Variants in CHL1 observed in about 807,000 individuals in gnomAD.
The protein encoded by CHL1 is neural cell adhesion molecule L1-like protein.
In CHL1, 96 loss-of-function variants were observed where a neutral mutation model predicts 141.9. The ratio of observed to expected loss-of-function variants is 0.68; its 90% CI spans 0.57 to 0.80. The LOEUF (loss-of-function observed/expected upper bound fraction) is 0.80. CHL1 is among the 30% of genes least tolerant of loss of function. The probability of loss-of-function intolerance (pLI) is 0.00; values close to 1 mark genes in which losing one functional copy is unlikely to be tolerated. For missense variants in CHL1, 1,820 were observed against 1,457.2 expected, an observed-to-expected ratio of 1.25 and a Z score of -4.05; for synonymous variants, 613 against 502.2, an observed-to-expected ratio of 1.22 and a Z score of -2.95.
chr3:282,998 T>A (rs1696801842), intron 2 of CHL1, among the ~76,000 whole-genome samples: 1 of 152,204 alleles, frequency 6.6e-6, no homozygotes, highest in South Asian at 2.1e-4. Flanking sequence ...ATCTGGTGGT[T>A]TTCTAACAGC....
chr3:354,653 G>A lies in CHL1; in HGVS notation c.1047G>A (p.Trp349Ter). 1 of 1,612,536 alleles carries A rather than the reference G, an allele frequency of 6.2e-7. No individual in the cohort carries two copies. The highest frequency in any genetic ancestry group is 2.2e-5 in the East Asian group (1 of 44,860). Reference protein sequence around the residue: ...FHVIVEEPPRWTKKPQSAVYS... With the variant: ...FHVIVEEPPR ...CTTTACATCCAGAGCCTCCTCGCTG[G>A]ACAAAGAAGCCTCAGAGTGCTGTGT... Residue 349 changes from tryptophan to a stop codon, truncating the protein, a stop_gained, in exon 11 of 28, where the codon TGG becomes TGA. Coordinates refer to ENST00000256509, the MANE Select transcript of CHL1 (RefSeq NM_006614.4). LOFTEE classifies it high-confidence loss of function.
At chr3:348,621 G>A (rs932577361) in intron 9 of CHL1, among the ~76,000 whole-genome samples, 1 of 152,174 alleles carries the variant, frequency 6.6e-6, no homozygotes, top group African/African-American at 2.4e-5. Context: ...TTATCATGCT[G>A]GTGTGTAACA....
chr3:235,842 A>G (rs1198803128), intron 1 of CHL1, among the ~76,000 whole-genome samples: 2 of 152,174 alleles, frequency 1.3e-5, no homozygotes, highest in South Asian at 2.1e-4. Context: ...TCGGTATACT[A>G]TCTTTGACAG....
chr3:286,630 TAAAC>T (rs1408009412), intron 2 of CHL1, among the ~76,000 whole-genome samples: 5 of 135,504 alleles, frequency 3.7e-5, no homozygotes, highest in Non-Finnish European at 6.4e-5. Context: ...AAAAAAAAAT[TAAAC>T]AAAGAAAGTA....
rs533230705 is a variant in CHL1, at chr3:289,009, C to T, written c.-94-30674C>T. Among the ~76,000 whole-genome samples, 508 of 152,166 alleles carry T rather than the reference C, an allele frequency of 3.3e-3. 3 individuals are homozygous for T. The highest frequency in any genetic ancestry group is 4.5e-3 in the Non-Finnish European group (308 of 68,004). On this transcript the variant is annotated intron_variant, in intron 2 of 27. Coordinates refer to ENST00000256509, the MANE Select transcript of CHL1 (RefSeq NM_006614.4). ...TTTCAGATACTTTTAATCAACATTT[C>T]TTCCTTTGGAAAACAGGTCAAATGA... is the stretch of plus-strand genomic sequence containing the variant.
intron 1 of CHL1, among the ~76,000 whole-genome samples, chr3:218,178 G>C (rs371688994): frequency 6.6e-6 from 1 of 152,170 alleles, no homozygotes; most frequent in Admixed American, 6.5e-5. Context: ...ATTTCCAAAA[G>C]ACCTCAGGGC....
intron 8 of CHL1, among the ~76,000 whole-genome samples, chr3:343,734 T>C (rs1702536244): frequency 6.6e-6 from 1 of 152,198 alleles, no homozygotes; most frequent in African/African-American, 2.4e-5. Flanking sequence ...GAGGAGGATG[T>C]AAGCTCCTTT....
At chr3:235,951 G>A (rs1053550181) in intron 1 of CHL1, among the ~76,000 whole-genome samples, 15 of 152,272 alleles carry the variant, frequency 9.9e-5, no homozygotes, top group African/African-American at 3.6e-4. Context: ...GGGAGGTGGG[G>A]CTTTTAAGTT....
intron 2 of CHL1, among the ~76,000 whole-genome samples, chr3:306,410 A>G (rs1463273031): frequency 6.6e-6 from 1 of 152,186 alleles, no homozygotes; most frequent in African/African-American, 2.4e-5. Context: ...GTTTGCAACA[A>G]AAATACCTAT....
rs555712783 is a variant in CHL1, at chr3:375,044, T to C, written c.1752-2774T>C. On this transcript the variant is annotated intron_variant, in intron 15 of 27. Coordinates refer to ENST00000256509, the MANE Select transcript of CHL1 (RefSeq NM_006614.4). ...GAACCATTAGACCTACGGGGCTTCA[T>C]GTTATGTTAGTACTTCCCATACATG... Among the ~76,000 whole-genome samples, 7 of 152,232 alleles carry C rather than the reference T, an allele frequency of 4.6e-5. No homozygotes were observed. In the South Asian group the frequency reaches 1.5e-3, roughly 32 times the overall value.
intron 2 of CHL1, among the ~76,000 whole-genome samples, chr3:265,018 C>G (rs917487467): frequency 6.6e-6 from 1 of 152,200 alleles, no homozygotes; most frequent in Admixed American, 6.5e-5. Context: ...GGACATCAAA[C>G]CTGTCTAATG....
intron 1 of CHL1, among the ~76,000 whole-genome samples, chr3:231,436 G>A (rs1488816598): frequency 1.3e-5 from 2 of 152,012 alleles, no homozygotes; most frequent in African/African-American, 4.8e-5. Flanking sequence ...TTAGCCCATA[G>A]TTGAACTAAG....
chr3:292,132 C>T (rs1697747784), intron 2 of CHL1, among the ~76,000 whole-genome samples: 1 of 152,190 alleles, frequency 6.6e-6, no homozygotes, highest in African/African-American at 2.4e-5. Flanking sequence ...AAGTGTTCCT[C>T]ACAAATTGAC....
intron 2 of CHL1, among the ~76,000 whole-genome samples, chr3:292,589 G>C (rs1397683711): frequency 6.6e-6 from 1 of 152,186 alleles, no homozygotes; most frequent in Non-Finnish European, 1.5e-5. Flanking sequence ...AGTGTGTTGA[G>C]CTGTTCTTGT....
intron 2 of CHL1, among the ~76,000 whole-genome samples, chr3:257,594 C>T (rs998549073): frequency 6.6e-6 from 1 of 152,132 alleles, no homozygotes; most frequent in African/African-American, 2.4e-5. Context: ...CTCAGGTGAT[C>T]TACTGCCTCG....
intron 2 of CHL1, among the ~76,000 whole-genome samples, chr3:274,330 C>T (rs907394227): frequency 1.3e-5 from 2 of 152,136 alleles, no homozygotes; most frequent in East Asian, 1.9e-4. Context: ...CACACATATA[C>T]CCCACACACA....
At chr3:316,770 A>G (rs963557549) in intron 2 of CHL1, among the ~76,000 whole-genome samples, 91 of 151,886 alleles carry the variant, frequency 6.0e-4, no homozygotes, top group African/African-American at 1.9e-3. Context: ...TAAATACTAG[A>G]TACTCATAGA....
chr3:287,994 C>G (rs1273178126), intron 2 of CHL1, among the ~76,000 whole-genome samples: 2 of 152,186 alleles, frequency 1.3e-5, no homozygotes, highest in Non-Finnish European at 2.9e-5. Flanking sequence ...TCTCAAACTC[C>G]TGACCTCGGG....
chr3:253,734 G>A (rs1199742906), intron 2 of CHL1, among the ~76,000 whole-genome samples: 1 of 152,070 alleles, frequency 6.6e-6, no homozygotes, highest in African/African-American at 2.4e-5. Context: ...AAAACTTGCA[G>A]TACTCTTTCT....
Sources: allele counts gnomAD v4.1 joint callset (sites outside exome capture counted in the v4.1 genomes callset), GRCh38; gene constraint gnomAD v4.1.1; transcripts MANE v1.5; gene names NCBI Gene and HGNC (gene_info 2026-07-23, HGNC 2026-07-21).